The following SYT9 variants were observed in gnomAD, a reference collection of about 807,000 sequenced individuals.
SYT9 encodes synaptotagmin 9, also known as synaptotagmin-9.
A neutral mutation model predicts 48.4 loss-of-function variants in SYT9; 22 were observed. The observed-to-expected ratio is 0.45, with a 90% CI of 0.32 to 0.65. The LOEUF is 0.65. SYT9 is among the 30% of genes least tolerant of loss of function. SYT9 has a pLI of 0.03. For synonymous variants in SYT9, 265 were observed against 245.0 expected (o/e 1.08, Z -0.76); for missense variants, 577 against 622.0 (o/e 0.93, Z 0.77).
At chr11:7,295,046 TA>T (rs2133925013) in intron 1 of SYT9, among the ~76,000 whole-genome samples, 1 of 152,344 alleles carries the variant, frequency 6.6e-6, no homozygotes, top group South Asian at 2.1e-4. Context: ...ATACCTATAC[TA>T]ATCTCTTAAA....
chr11:7,294,208 A>G (rs1434434764), intron 1 of SYT9, among the ~76,000 whole-genome samples: 1 of 152,174 alleles, frequency 6.6e-6, no homozygotes, highest in Non-Finnish European at 1.5e-5. Context: ...TCCTAATACC[A>G]TTATATTGGA....
At chr11:7,247,558 TAC>T (rs1366004162), upstream of SYT9, among the ~76,000 whole-genome samples, 1 of 147,320 alleles carries the variant, frequency 6.8e-6, no homozygotes, top group Non-Finnish European at 1.5e-5. Flanking sequence ...TACATGTATA[TAC>T]ACATATATAC....
chr11:7,416,001 G>A (rs762336984), intron 3 of SYT9, 41 bp from the exon 4 acceptor site: 4 of 1,613,228 alleles, frequency 2.5e-6, no homozygotes, highest in Non-Finnish European at 3.4e-6. Flanking sequence ...ACACCAGGCT[G>A]GAGACACTTT....
intron 1 of SYT9, among the ~76,000 whole-genome samples, chr11:7,259,343 C>A (rs1205606733): frequency 6.6e-6 from 1 of 151,936 alleles, no homozygotes; most frequent in Non-Finnish European, 1.5e-5. Context: ...AATGGGTATA[C>A]CTTTTTTATT....
chr11:7,247,579 A>ATGTATATGTG (rs1847807390), upstream of SYT9, among the ~76,000 whole-genome samples: 2 of 147,632 alleles, frequency 1.4e-5, no homozygotes, highest in Non-Finnish European at 3.0e-5. Context: ...ACACATATAC[A>ATGTATATGTG]TATATATGTG....
chr11:7,363,343 T>C (rs2134018969), intron 3 of SYT9, among the ~76,000 whole-genome samples: 1 of 152,318 alleles, frequency 6.6e-6, no homozygotes, highest in Non-Finnish European at 1.5e-5. Context: ...AGGAAAATGA[T>C]GTGCTCAGCT....
intron 1 of SYT9, among the ~76,000 whole-genome samples, chr11:7,287,234 G>A (rs992027215): frequency 6.6e-6 from 1 of 151,856 alleles, no homozygotes; most frequent in East Asian, 1.9e-4. Context: ...CAGAGTGAAG[G>A]GGGGAAAAGC....
upstream of SYT9, among the ~76,000 whole-genome samples, chr11:7,251,358 T>C (rs1335455531): frequency 2.0e-5 from 3 of 152,126 alleles, no homozygotes; most frequent in Non-Finnish European, 4.4e-5. Flanking sequence ...AGGAATCGTT[T>C]ATTTATTTGA....
intron 6 of SYT9, chr11:7,439,978 C>T (rs1231011024): frequency 6.6e-6 from 1 of 152,180 alleles, no homozygotes; most frequent in Non-Finnish European, 1.5e-5. Context: ...ATGAGGCAAT[C>T]ATAGTTCCTT....
At chr11:7,280,291 A>G (rs781486063) in intron 1 of SYT9, among the ~76,000 whole-genome samples, 6 of 152,218 alleles carry the variant, frequency 3.9e-5, no homozygotes, top group East Asian at 1.9e-4. Context: ...GCAGCTGACA[A>G]ATGAGTGTAG....
chr11:7,377,729 C>T (rs1035948888), intron 3 of SYT9, among the ~76,000 whole-genome samples: 5 of 152,092 alleles, frequency 3.3e-5, no homozygotes, highest in African/African-American at 9.7e-5. Context: ...CTCATATCTC[C>T]GCCACACAAG....
chr11:7,397,207 T>C (rs1163103154), intron 3 of SYT9, among the ~76,000 whole-genome samples: 1 of 152,178 alleles, frequency 6.6e-6, no homozygotes, highest in Non-Finnish European at 1.5e-5. Flanking sequence ...GTTCTTTTTT[T>C]GTTTCTTTGT....
At chr11:7,294,175 A>C (rs1848747363) in intron 1 of SYT9, among the ~76,000 whole-genome samples, 1 of 152,128 alleles carries the variant, frequency 6.6e-6, no homozygotes, top group South Asian at 2.1e-4. Context: ...TTCATTACTT[A>C]ATCATCTCCC....
intron 1 of SYT9, among the ~76,000 whole-genome samples, chr11:7,254,730 C>T (rs1431976149): frequency 2.6e-5 from 4 of 152,182 alleles, no homozygotes; most frequent in Non-Finnish European, 2.9e-5. Context: ...TGTCCATTCA[C>T]GGCCACCCTG....
At chr11:7,374,153 T>C (rs1406654961) in intron 3 of SYT9, among the ~76,000 whole-genome samples, 2 of 152,162 alleles carry the variant, frequency 1.3e-5, no homozygotes, top group African/African-American at 4.8e-5. Flanking sequence ...CTCCCACTTA[T>C]GAGTGAGAAT....
rs907052644 is a variant in SYT9 at position 7,341,122 on chromosome 11, G to C, written c.1044+27181G>C. Among the ~76,000 whole-genome samples, 24 of 152,330 alleles carry C rather than the reference G, an allele frequency of 1.6e-4. No homozygotes were observed. The Middle Eastern group carries it at 0.017, about 108-fold the overall frequency. On this transcript the variant is annotated intron_variant, in intron 3 of 6. Transcript: ENST00000318881. ...GACCTTGGCTGGGAGATTCTACCCA[G>C]TGAAGAGAAATGGGATCCAGGACCT...
chr11:7,317,047 T>G (rs1436013201), intron 3 of SYT9, among the ~76,000 whole-genome samples: 4 of 152,236 alleles, frequency 2.6e-5, no homozygotes, highest in African/African-American at 7.2e-5. Context: ...TCTCTCAGTT[T>G]ATGGCTGTCT....
chr11:7,264,507 G>C (rs1471453173), intron 1 of SYT9, among the ~76,000 whole-genome samples: 1 of 152,064 alleles, frequency 6.6e-6, no homozygotes, highest in Non-Finnish European at 1.5e-5. Flanking sequence ...AATTTCATTG[G>C]AGTAAGGAGA....
chr11:7,353,741 A>G (rs577542449), intron 3 of SYT9, among the ~76,000 whole-genome samples: 20 of 152,246 alleles, frequency 1.3e-4, no homozygotes, highest in African/African-American at 4.8e-4. Context: ...GAATTACTGG[A>G]TGGTTTCTCT....
Sources: gnomAD v4.1 joint callset for allele counts (sites outside exome capture counted in the v4.1 genomes callset) on GRCh38, gnomAD v4.1.1 for gene constraint, MANE v1.5 for transcripts, NCBI Gene and HGNC (gene_info 2026-07-23, HGNC 2026-07-21) for gene names.